Variants in RBM47 observed in about 807,000 individuals in gnomAD.
RBM47 encodes RNA-binding protein 47.
In RBM47, 21 loss-of-function variants were observed where a neutral mutation model predicts 47.1. That is an observed-to-expected ratio of 0.45 (90% CI 0.32 to 0.64). The LOEUF (loss-of-function observed/expected upper bound fraction) is 0.64, where lower values mean the gene tolerates loss of function less well. Among genes scored for constraint, RBM47 ranks in the 30% least tolerant of loss-of-function variants. RBM47 has a pLI of 0.05. For synonymous variants in RBM47, 375 were observed against 361.7 expected (o/e 1.04, Z -0.42); for missense variants, 708 against 870.9 (o/e 0.81, Z 2.35).
chr4:40,475,360 C>T (rs979100750), intron 2 of RBM47, among the ~76,000 whole-genome samples: 2 of 152,158 alleles, frequency 1.3e-5, no homozygotes, highest in African/African-American at 4.8e-5. Context: ...TGATAAATTC[C>T]TGCTTCTTAC....
At chr4:40,448,990 C>G (rs1714987953) in intron 3 of RBM47, among the ~76,000 whole-genome samples, 1 of 152,142 alleles carries the variant, frequency 6.6e-6, no homozygotes, top group Non-Finnish European at 1.5e-5. Flanking sequence ...TTGGCCTTAC[C>G]CTGAGCATTT....
In RBM47 at chr4:40,424,614, G is replaced by A. The variant is rs1714770909; in HGVS notation, c.*1290C>T. 1 of 152,066 alleles carries A rather than the reference G, an allele frequency of 6.6e-6. No individual in the cohort carries two copies. Among genetic ancestry groups the A allele is most frequent in the African/African-American group, 2.4e-5 (1 of 41,388 alleles). 9.4% of individuals were successfully genotyped at this position (152,066 alleles called of 1,614,324 possible). ...CAGGTCTCTCCTCCTCCTCCTGGAT[G>A]TGCACACCCCAATCCAGTTCACCCA... On this transcript the variant is annotated 3_prime_UTR_variant, in exon 7 of 7. Coordinates refer to ENST00000295971, the MANE Select transcript of RBM47 (RefSeq NM_001098634.2).
intron 2 of RBM47, among the ~76,000 whole-genome samples, chr4:40,505,519 A>C (rs1487463874): frequency 6.6e-6 from 1 of 151,902 alleles, no homozygotes; most frequent in Non-Finnish European, 1.5e-5. Context: ...TGCTGGACTA[A>C]AATTTATAAG....
At chr4:40,540,502 G>C (rs1728405900) in intron 2 of RBM47, among the ~76,000 whole-genome samples, 2 of 151,730 alleles carry the variant, frequency 1.3e-5, no homozygotes, top group South Asian at 2.1e-4. Flanking sequence ...AGCCAGGCAT[G>C]GTGGCGCATG....
In RBM47 at chr4:40,628,790, A is replaced by C. The variant is rs370676249; in HGVS notation, c.-240+606T>G. On this transcript the variant is annotated intron_variant, in intron 1 of 6. Transcript: ENST00000295971. The surrounding 1 kb of genome is among the most constrained non-coding windows in gnomAD (Gnocchi z 4.0). ...TGGCTGAACTTTTACCTAATTAAAAAATGAGTCATTTATTTGAAAAATTCC... is the reference window on the plus strand; with the variant it reads ...TGGCTGAACTTTTACCTAATTAAAACATGAGTCATTTATTTGAAAAATTCC... Among the ~76,000 whole-genome samples, 211 of 152,340 alleles carry C rather than the reference A, an allele frequency of 1.4e-3. 4 individuals are homozygous for C. In the South Asian group the frequency reaches 0.041, roughly 30 times the overall value.
chr4:40,514,866 T>C (rs1219881063), intron 2 of RBM47: 4 of 152,224 alleles, frequency 2.6e-5, no homozygotes. Context: ...TTTTTAAAGG[T>C]GGCATAACGA....
intron 2 of RBM47, among the ~76,000 whole-genome samples, chr4:40,534,663 G>A (rs1475612240): frequency 2.0e-5 from 3 of 152,088 alleles, no homozygotes; most frequent in Non-Finnish European, 1.5e-5. Flanking sequence ...GGCCGGGTGC[G>A]GTGGCTCACG....
chr4:40,489,076 C>T (rs1368184501), intron 2 of RBM47, among the ~76,000 whole-genome samples: 1 of 152,180 alleles, frequency 6.6e-6, no homozygotes, highest in Non-Finnish European at 1.5e-5. Flanking sequence ...ACAGCTGTGT[C>T]AACTGTACTC....
intron 1 of RBM47, among the ~76,000 whole-genome samples, chr4:40,553,117 G>A (rs1286884136): frequency 1.4e-5 from 2 of 145,612 alleles, no homozygotes; most frequent in Non-Finnish European, 3.0e-5. Context: ...ACAGGCACGC[G>A]CCACCACGCC....
intron 1 of RBM47, among the ~76,000 whole-genome samples, chr4:40,572,895 G>T (rs10008184): frequency 0.51 from 76,734 of 151,400 alleles, 23,424 homozygotes; most frequent in African/African-American, 0.84. Context: ...CTCACACCTG[G>T]AATCACAACA....
intron 2 of RBM47, among the ~76,000 whole-genome samples, chr4:40,524,629 A>G (rs1337154754): frequency 1.3e-5 from 2 of 152,200 alleles, no homozygotes; most frequent in Non-Finnish European, 2.9e-5. Context: ...CCTAGGCATG[A>G]CAACAGCATA....
chr4:40,582,085 TCCCAGAA>T (rs1733011576), intron 1 of RBM47, among the ~76,000 whole-genome samples: 1 of 152,116 alleles, frequency 6.6e-6, no homozygotes, highest in African/African-American at 2.4e-5. Context: ...CTGAGTCCAC[TCCCAGAA>T]CCCATCTCGA....
At chr4:40,431,778 T>C (rs1446528817) in intron 6 of RBM47, among the ~76,000 whole-genome samples, 1 of 151,412 alleles carries the variant, frequency 6.6e-6, no homozygotes, top group Non-Finnish European at 1.5e-5. Context: ...GAGGCCAACA[T>C]GGTAAGATGA....
chr4:40,540,485 C>T (rs1022109804), intron 2 of RBM47, among the ~76,000 whole-genome samples: 8 of 151,456 alleles, frequency 5.3e-5, no homozygotes, highest in Admixed American at 2.0e-4. Context: ...ACTAAAAATA[C>T]AAAATTAGCC....
intron 1 of RBM47, among the ~76,000 whole-genome samples, chr4:40,551,831 T>A (rs532038739): frequency 1.3e-5 from 2 of 151,878 alleles, no homozygotes; most frequent in Non-Finnish European, 2.9e-5. Context: ...GTATTTTTAG[T>A]AGAGACAGGG....
intron 5 of RBM47, among the ~76,000 whole-genome samples, chr4:40,434,208 A>C (rs1396599741): frequency 6.6e-6 from 1 of 152,180 alleles, no homozygotes; most frequent in Non-Finnish European, 1.5e-5. Context: ...AATATACCTA[A>C]AACCTTAATC....
intron 2 of RBM47, among the ~76,000 whole-genome samples, chr4:40,517,165 C>T (rs181730350): frequency 8.2e-4 from 120 of 146,452 alleles, no homozygotes; most frequent in African/African-American, 2.8e-3. Flanking sequence ...CATGGAGTCT[C>T]GCCCTCTTGC....
chr4:40,627,808 T>G (rs553193549), intron 1 of RBM47, among the ~76,000 whole-genome samples: 1 of 152,308 alleles, frequency 6.6e-6, no homozygotes, highest in East Asian at 1.9e-4. Flanking sequence ...CACTACTGCT[T>G]TGGGCAGAAT....
chr4:40,437,198 A>G (rs1560357920), intron 4 of RBM47, among the ~76,000 whole-genome samples: 6 of 136,278 alleles, frequency 4.4e-5, no homozygotes, highest in Non-Finnish European at 9.2e-5. Flanking sequence ...CTATTAAATA[A>G]TTTTTTTTAA....
Sources: gnomAD v4.1 joint callset for allele counts (sites outside exome capture counted in the v4.1 genomes callset) on GRCh38, gnomAD v4.1.1 for gene constraint, Gnocchi (gnomAD v3.1) non-coding constraint, MANE v1.5 for transcripts, NCBI Gene and HGNC (gene_info 2026-07-23, HGNC 2026-07-21) for gene names.